The following PCDH9 variants were observed in gnomAD, a reference collection of about 807,000 sequenced individuals.
The protein encoded by PCDH9 is protocadherin 9.
PCDH9 carries 24 observed loss-of-function variants against 70.6 expected under a neutral mutation model. The ratio of observed to expected loss-of-function variants is 0.34; its 90% CI spans 0.25 to 0.48. PCDH9 has a LOEUF of 0.48. Ranked by LOEUF, PCDH9 falls within the 20% of genes least tolerant of loss-of-function variation. PCDH9 has a pLI of 0.99. For missense variants in PCDH9, 1,281 were observed against 1,503.6 expected (o/e 0.85, Z 2.45); for synonymous variants, 562 against 558.5 (o/e 1.01, Z -0.09).
intron 2 of PCDH9, among the ~76,000 whole-genome samples, chr13:67,143,209 C>T (rs895308222): frequency 5.9e-5 from 9 of 152,158 alleles, no homozygotes; most frequent in Admixed American, 2.0e-4. Flanking sequence ...ACAATAGAAC[C>T]TGGTGATTAT....
At chr13:66,530,148 T>A (rs1332087831) in intron 4 of PCDH9, among the ~76,000 whole-genome samples, 3 of 152,038 alleles carry the variant, frequency 2.0e-5, no homozygotes, top group Non-Finnish European at 4.4e-5. Context: ...AAGGTTTAAT[T>A]TCCTTTTAAG....
chr13:66,481,411 T>C (rs1440970282), intron 4 of PCDH9, among the ~76,000 whole-genome samples: 1 of 152,092 alleles, frequency 6.6e-6, no homozygotes, highest in Non-Finnish European at 1.5e-5. Flanking sequence ...AGAAAACAGA[T>C]TACAACTTGC....
intron 2 of PCDH9, among the ~76,000 whole-genome samples, chr13:67,083,379 TAGAG>T (rs1174766833): frequency 1.3e-5 from 2 of 152,050 alleles, no homozygotes; most frequent in Non-Finnish European, 2.9e-5. Context: ...CATAAGCAAT[TAGAG>T]AGAGTAACAA....
rs59276502 is a variant in PCDH9, at chr13:66,443,734, C to T, written c.3341-138706G>A. 8.1e-3 allele frequency among the ~76,000 whole-genome samples: 1,236 copies of T among 152,108 alleles called. 14 individuals are homozygous for T. The highest frequency in any genetic ancestry group is 0.028 in the African/African-American group (1,177 of 41,500). Reference sequence around the variant, plus strand: ...ATTATTCTGGAATTTTAAGCAACAGCTTGAGTAAATATATAGATAAAGATA... The same window carrying T: ...ATTATTCTGGAATTTTAAGCAACAGTTTGAGTAAATATATAGATAAAGATA... On this transcript the variant is annotated intron_variant, in intron 4 of 4. Transcript: ENST00000377865.
chr13:66,714,115 T>G (rs944856432), intron 3 of PCDH9, among the ~76,000 whole-genome samples: 1 of 152,162 alleles, frequency 6.6e-6, no homozygotes, highest in Non-Finnish European at 1.5e-5. Context: ...TGTAACTTTA[T>G]ATTAGGTTAT....
At chr13:67,167,766 C>A (rs1275375630) in intron 2 of PCDH9, among the ~76,000 whole-genome samples, 1 of 152,134 alleles carries the variant, frequency 6.6e-6, no homozygotes, top group East Asian at 1.9e-4. Context: ...ATTTATGATT[C>A]CACCGTGGAA....
At position 67,073,902 on chromosome 13, in the gene PCDH9, CTTTAAGAGGT is replaced by C. The variant is rs139086300; in HGVS notation, c.3036+151493_3036+151502del. Among the ~76,000 whole-genome samples, 1,800 of 152,054 alleles carry C rather than the reference CTTTAAGAGGT, an allele frequency of 0.012. 171 individuals are homozygous for C. In the East Asian group the frequency reaches 0.26, roughly 22 times the overall value. ...TACTAAACGTCTACCTCTTAAATTG[CTTTAAGAGGT>C]TTTAATTTCTAGTGGTAACACTTGG... On this transcript the variant is annotated intron_variant, in intron 2 of 4. Transcript: ENST00000377865.
chr13:66,918,005 T>C (rs1668671747), intron 2 of PCDH9, among the ~76,000 whole-genome samples: 1 of 151,244 alleles, frequency 6.6e-6, no homozygotes, highest in Admixed American at 6.6e-5. Context: ...GAACTGTGTA[T>C]GGTTATGTTC....
intron 3 of PCDH9, among the ~76,000 whole-genome samples, chr13:66,706,622 G>A (rs748874787): frequency 7.2e-5 from 11 of 152,148 alleles, no homozygotes; most frequent in Non-Finnish European, 1.5e-4. Flanking sequence ...CAAATGCCAA[G>A]TGACAAATGA....
chr13:67,034,746 C>T (rs778621066), intron 2 of PCDH9, among the ~76,000 whole-genome samples: 5 of 149,730 alleles, frequency 3.3e-5, no homozygotes, highest in South Asian at 2.1e-4. Flanking sequence ...GTGTGTGTCA[C>T]GAGAGTTTGG....
intron 2 of PCDH9, among the ~76,000 whole-genome samples, chr13:67,169,131 T>C (rs979573349): frequency 2.6e-5 from 4 of 152,178 alleles, no homozygotes; most frequent in African/African-American, 9.6e-5. Flanking sequence ...GGAAAATCAG[T>C]GTTTGTTTTC....
At chr13:66,695,118 T>C (rs1041758660) in intron 3 of PCDH9, among the ~76,000 whole-genome samples, 8 of 152,062 alleles carry the variant, frequency 5.3e-5, no homozygotes, top group Non-Finnish European at 5.9e-5. Flanking sequence ...TTAGCCAGGA[T>C]GGTCTCGCTC....
At chr13:66,437,404 CAAAAAA>C (rs66796123) in intron 4 of PCDH9, among the ~76,000 whole-genome samples, 18 of 45,588 alleles carry the variant, frequency 3.9e-4, no homozygotes, top group African/African-American at 5.5e-4. Context: ...GACTCTGTCT[CAAAAAA>C]AAAAAAAAAA....
chr13:66,501,177 TTATGAG>T (rs569995604), intron 4 of PCDH9, among the ~76,000 whole-genome samples: 81 of 152,278 alleles, frequency 5.3e-4, no homozygotes, highest in African/African-American at 1.9e-3. Context: ...ATGCACATCC[TTATGAG>T]TATGTCATTT....
chr13:66,830,180 A>G (rs2080901089), intron 3 of PCDH9, among the ~76,000 whole-genome samples: 1 of 152,200 alleles, frequency 6.6e-6, no homozygotes, highest in Non-Finnish European at 1.5e-5. Context: ...GTAGGAATGT[A>G]TTATATTACT....
At chr13:66,465,735 C>T (rs1206294816) in intron 4 of PCDH9, among the ~76,000 whole-genome samples, 1 of 151,790 alleles carries the variant, frequency 6.6e-6, no homozygotes, top group Non-Finnish European at 1.5e-5. Flanking sequence ...TCATTATCTA[C>T]ATAATGCCAG....
At chr13:66,991,884 T>G (rs994079971) in intron 2 of PCDH9, among the ~76,000 whole-genome samples, 4 of 152,172 alleles carry the variant, frequency 2.6e-5, no homozygotes, top group African/African-American at 9.6e-5. Flanking sequence ...ATATTCATGA[T>G]ATTAAGAGAA....
intron 2 of PCDH9, among the ~76,000 whole-genome samples, chr13:66,929,539 G>T (rs1278362332): frequency 6.6e-6 from 1 of 152,182 alleles, no homozygotes; most frequent in East Asian, 1.9e-4. Context: ...GGTCAGGGTG[G>T]TCTTGAACTC....
chr13:66,530,671 A>T (rs1250416246), intron 4 of PCDH9, among the ~76,000 whole-genome samples: 2 of 152,062 alleles, frequency 1.3e-5, no homozygotes, highest in Non-Finnish European at 2.9e-5. Flanking sequence ...ACATAAACAT[A>T]TGATTAATAT....
Sources: allele counts gnomAD v4.1 joint callset (sites outside exome capture counted in the v4.1 genomes callset), GRCh38; gene constraint gnomAD v4.1.1; transcripts MANE v1.5; gene names NCBI Gene and HGNC (gene_info 2026-07-23, HGNC 2026-07-21).